Variants in CEP128 observed in about 807,000 individuals in gnomAD.
The protein encoded by CEP128 is centrosomal protein 128kDa.
CEP128 carries 132 observed loss-of-function variants against 156.7 expected under a neutral mutation model. That is an observed-to-expected ratio of 0.84 (90% CI 0.73 to 0.97). The LOEUF (loss-of-function observed/expected upper bound fraction) is 0.97. Among genes scored for constraint, CEP128 ranks in the 50% least tolerant of loss-of-function variants. The pLI is 0.00. For synonymous variants in CEP128, 469 were observed against 448.9 expected (o/e 1.04, Z -0.57); for missense variants, 1,252 against 1,281.9 (o/e 0.98, Z 0.36).
chr14:80,648,242 TG>T (rs1894745791), intron 19 of CEP128, among the ~76,000 whole-genome samples: 1 of 152,058 alleles, frequency 6.6e-6, no homozygotes, highest in Admixed American at 6.6e-5. Flanking sequence ...ACCTCTTTTC[TG>T]GGGATCTTTG....
intron 13 of CEP128, among the ~76,000 whole-genome samples, chr14:80,808,759 G>A (rs1041502149): frequency 2.0e-5 from 3 of 152,074 alleles, no homozygotes; most frequent in Admixed American, 6.5e-5. Flanking sequence ...CACTGACGCT[G>A]TTTACAGCTG....
At chr14:80,527,641 T>G (rs1889039235) in intron 22 of CEP128, among the ~76,000 whole-genome samples, 1 of 152,224 alleles carries the variant, frequency 6.6e-6, no homozygotes, top group Non-Finnish European at 1.5e-5. Flanking sequence ...ATTTGGATGC[T>G]GTGTACTATC....
At chr14:80,720,061 G>A (rs1037853667) in intron 19 of CEP128, among the ~76,000 whole-genome samples, 1 of 152,110 alleles carries the variant, frequency 6.6e-6, no homozygotes, top group African/African-American at 2.4e-5. Flanking sequence ...TTTCAACTGA[G>A]ACCTAAAGGA....
intron 12 of CEP128, among the ~76,000 whole-genome samples, chr14:80,834,434 C>G (rs1213934243): frequency 6.6e-6 from 1 of 152,026 alleles, no homozygotes; most frequent in Non-Finnish European, 1.5e-5. Flanking sequence ...CAGGTGGAAC[C>G]CATTTTGCAG....
intron 8 of CEP128, among the ~76,000 whole-genome samples, chr14:80,887,853 A>G (rs1020400303): frequency 8.5e-5 from 13 of 152,150 alleles, no homozygotes; most frequent in African/African-American, 3.1e-4. Context: ...GGTTTTTTGA[A>G]AAAATTAGCA....
At chr14:80,738,329 A>G (rs564321826) in intron 19 of CEP128, among the ~76,000 whole-genome samples, 2 of 152,324 alleles carry the variant, frequency 1.3e-5, no homozygotes, top group Non-Finnish European at 2.9e-5. Flanking sequence ...CACCAACTGT[A>G]CAAGTAGCAT....
intron 23 of CEP128, among the ~76,000 whole-genome samples, chr14:80,519,833 C>G (rs541019161): frequency 5.3e-4 from 81 of 152,256 alleles, no homozygotes; most frequent in African/African-American, 1.9e-3. Context: ...ACTGTGCCAT[C>G]TACACTAAAG....
rs953720569 is a variant in CEP128 at position 80,778,177 on chromosome 14, T to C, written c.2212-131A>G. On this transcript the variant is annotated intron_variant, in intron 15 of 24. Transcript: ENST00000555265. ...CGTTCAAAGCATTCATATATAAATA[T>C]TAAAATAAACACAAAGGAAATGTTC... 2.0e-5 allele frequency: 14 copies of C among 716,946 alleles called. No individual in the cohort carries two copies. The Middle Eastern group carries it at 1.1e-3, about 58-fold the overall frequency. The allele number at this position is 716,946 out of a possible 1,614,324, so 44.4% of individuals were successfully genotyped here.
At chr14:80,700,922 A>G (rs1897053032) in intron 19 of CEP128, among the ~76,000 whole-genome samples, 1 of 152,168 alleles carries the variant, frequency 6.6e-6, no homozygotes, top group Admixed American at 6.6e-5. Flanking sequence ...CAGGAATAGG[A>G]TATCACATAT....
At chr14:80,622,803 G>GA (rs1893541067) in intron 19 of CEP128, among the ~76,000 whole-genome samples, 1 of 149,444 alleles carries the variant, frequency 6.7e-6, no homozygotes, top group African/African-American at 2.5e-5. Flanking sequence ...AAAAAGTCAG[G>GA]AAACAACAGG....
At chr14:80,709,596 C>A (rs1360737425) in intron 19 of CEP128, among the ~76,000 whole-genome samples, 1 of 152,082 alleles carries the variant, frequency 6.6e-6, no homozygotes, top group Non-Finnish European at 1.5e-5. Context: ...ACTGTATGTG[C>A]ATTAAGACTG....
chr14:80,711,946 CTCT>C (rs1490531577), intron 19 of CEP128, among the ~76,000 whole-genome samples: 1 of 152,046 alleles, frequency 6.6e-6, no homozygotes, highest in African/African-American at 2.4e-5. Context: ...TGCCAATTCA[CTCT>C]TCATTATCTT....
chr14:80,876,124 CAAAG>C (rs1888269510), intron 8 of CEP128, among the ~76,000 whole-genome samples: 1 of 151,758 alleles, frequency 6.6e-6, no homozygotes, highest in South Asian at 2.1e-4. Flanking sequence ...AAAGAAGAGA[CAAAG>C]AATAAAAGTA....
At chr14:80,570,695 C>T (rs181790759) in intron 20 of CEP128, among the ~76,000 whole-genome samples, 1 of 152,142 alleles carries the variant, frequency 6.6e-6, no homozygotes, top group Admixed American at 6.6e-5. Flanking sequence ...ATGGAAATAT[C>T]ATATGCATAC....
chr14:80,519,330 T>C (rs938975198), intron 23 of CEP128, among the ~76,000 whole-genome samples: 6 of 152,262 alleles, frequency 3.9e-5, no homozygotes, highest in African/African-American at 1.4e-4. Flanking sequence ...TAAATGTCTT[T>C]GCTAAGCTGA....
chr14:80,856,126 G>C (rs1009545610), intron 9 of CEP128, among the ~76,000 whole-genome samples: 1 of 152,070 alleles, frequency 6.6e-6, no homozygotes, highest in Non-Finnish European at 1.5e-5. Flanking sequence ...CACATAACCT[G>C]GTTGTCCCTC....
rs375998959 is a variant in CEP128, at chr14:80,844,312, G to C, written c.763-3544C>G. ...AAATTTATTTTTCAGCCATGACCAA[G>C]GAAAGGAAATTCTATACCAACAACT... is the stretch of plus-strand genomic sequence containing the variant. On this transcript the variant is annotated intron_variant, in intron 9 of 24. Coordinates refer to ENST00000555265, the MANE Select transcript of CEP128 (RefSeq NM_152446.5). 8.6e-5 allele frequency among the ~76,000 whole-genome samples: 13 copies of C among 151,864 alleles called. 1 individual carries two copies. In the East Asian group the frequency reaches 1.7e-3, roughly 20 times the overall value.
intron 13 of CEP128, among the ~76,000 whole-genome samples, chr14:80,827,241 A>C (rs1885528870): frequency 6.6e-6 from 1 of 152,230 alleles, no homozygotes; most frequent in Non-Finnish European, 1.5e-5. Flanking sequence ...AAAAAGAAAA[A>C]ACATAAATTT....
chr14:80,562,735 A>ACT (rs1358808771), intron 20 of CEP128, among the ~76,000 whole-genome samples: 1 of 138,174 alleles, frequency 7.2e-6, no homozygotes, highest in Middle Eastern at 4.3e-3. Flanking sequence ...ATCAGAGCTT[A>ACT]CTGCAGCCTA....
Sources: gnomAD v4.1 joint callset for allele counts (sites outside exome capture counted in the v4.1 genomes callset) on GRCh38, gnomAD v4.1.1 for gene constraint, MANE v1.5 for transcripts, NCBI Gene and HGNC (gene_info 2026-07-23, HGNC 2026-07-21) for gene names.